Variants in MAD1L1 observed in about 807,000 individuals in gnomAD.
The protein encoded by MAD1L1 is mitotic spindle assembly checkpoint protein MAD1.
In MAD1L1, 95 loss-of-function variants were observed where a neutral mutation model predicts 96.9. The observed-to-expected ratio is 0.98, with a 90% CI of 0.83 to 1.16. MAD1L1 has a LOEUF of 1.16. MAD1L1 is among the 50% of genes most tolerant of loss of function. MAD1L1 has a pLI of 0.00. For missense variants in MAD1L1, 1,007 were observed against 954.4 expected (o/e 1.06, Z -0.73); for synonymous variants, 473 against 396.6 (o/e 1.19, Z -2.29).
intron 11 of MAD1L1, among the ~76,000 whole-genome samples, chr7:2,135,833 G>A (rs1332987282): frequency 6.6e-6 from 1 of 152,246 alleles, no homozygotes; most frequent in Non-Finnish European, 1.5e-5. Context: ...ACCTGAATCT[G>A]AGCCTTTGGA....
At chr7:2,054,267 G>C (rs374269877) in intron 12 of MAD1L1, among the ~76,000 whole-genome samples, 2 of 152,224 alleles carry the variant, frequency 1.3e-5, no homozygotes, top group Non-Finnish European at 2.9e-5. Flanking sequence ...CCAGTGTAAC[G>C]CAGCCTCCAA....
intron 17 of MAD1L1, among the ~76,000 whole-genome samples, chr7:1,912,206 G>A (rs1788061914): frequency 1.3e-5 from 2 of 152,228 alleles, no homozygotes; most frequent in African/African-American, 4.8e-5. Context: ...AGCTCCGTGT[G>A]TGTCAGCAGT....
At chr7:1,998,421 G>A (rs1239576362) in intron 14 of MAD1L1, among the ~76,000 whole-genome samples, 1 of 152,220 alleles carries the variant, frequency 6.6e-6, no homozygotes, top group Non-Finnish European at 1.5e-5. Flanking sequence ...AATGCCGAGG[G>A]CTTGGCCTGT....
chr7:2,094,620 G>A (rs562181416), intron 11 of MAD1L1, among the ~76,000 whole-genome samples: 1 of 151,084 alleles, frequency 6.6e-6, no homozygotes, highest in African/African-American at 2.5e-5. Context: ...GCTCCAGAAA[G>A]AGGACTGGCC....
chr7:1,838,561 C>T (rs975089306), intron 18 of MAD1L1: 48 of 353,624 alleles, frequency 1.4e-4, no homozygotes, highest in Admixed American at 7.1e-4. Flanking sequence ...TTACGCTCAG[C>T]GAAAGATGCC....
chr7:1,927,035 G>C (rs1330598984), intron 17 of MAD1L1, among the ~76,000 whole-genome samples: 1 of 152,168 alleles, frequency 6.6e-6, no homozygotes, highest in East Asian at 1.9e-4. Flanking sequence ...GCAAGGTCAT[G>C]GGTTACAAAG....
intron 14 of MAD1L1, 127 bp from the exon 15 acceptor site, chr7:1,980,668 G>C (rs1780863139): frequency 1.3e-6 from 1 of 755,908 alleles, no homozygotes; most frequent in Non-Finnish European, 2.4e-6. Context: ...CTGCGGGAGA[G>C]ACCTCTCTCC....
At chr7:2,033,780 G>C (rs970147184) in intron 12 of MAD1L1, among the ~76,000 whole-genome samples, 1 of 152,234 alleles carries the variant, frequency 6.6e-6, no homozygotes, top group Non-Finnish European at 1.5e-5. Flanking sequence ...GGGTCCTGAA[G>C]GTGTTCACAC....
intron 10 of MAD1L1, among the ~76,000 whole-genome samples, chr7:2,181,297 G>A (rs1562759539): frequency 1.3e-5 from 2 of 152,260 alleles, no homozygotes; most frequent in Non-Finnish European, 2.9e-5. Flanking sequence ...GGTGCTGCCA[G>A]CTGTAGTTGT....
intron 14 of MAD1L1, among the ~76,000 whole-genome samples, chr7:1,996,671 G>A (rs1278519937): frequency 4.6e-5 from 7 of 152,234 alleles, no homozygotes; most frequent in African/African-American, 9.6e-5. Flanking sequence ...CTGTAGCCAC[G>A]GCCCTTGGTG....
At position 2,230,039 on chromosome 7, in the gene MAD1L1, T is replaced by C; in HGVS notation, c.95A>G (p.Asp32Gly). ...AGAACCTGGGGCCGAGGTAGAAATA[T>C]CCAGTCCAGAGCCTCCCTCCACACG... is the stretch of plus-strand genomic sequence containing the variant. ...SQRVEGGSGLDISTSAPGSLQ... is the reference protein window; with the variant it reads ...SQRVEGGSGLGISTSAPGSLQ... The change falls in exon 3 of 19, where the codon GAT (aspartate) becomes GGT (glycine). Residue 32 changes from aspartate (D) to glycine (G), a missense_variant. Coordinates refer to ENST00000265854, the MANE Select transcript of MAD1L1 (RefSeq NM_001013836.2). 1 of 1,613,726 alleles carries C rather than the reference T, an allele frequency of 6.2e-7. No homozygotes were observed. Among genetic ancestry groups the C allele is most frequent in the East Asian group, 2.2e-5 (1 of 44,872 alleles).
chr7:1,830,394 C>G (rs1440487686), intron 18 of MAD1L1, among the ~76,000 whole-genome samples: 1 of 151,776 alleles, frequency 6.6e-6, no homozygotes, highest in African/African-American at 2.4e-5. Flanking sequence ...GAGACTCTGT[C>G]TCAAAAAAAA....
Position 2,106,927 on chromosome 7 carries a change from A to G in MAD1L1, c.1074-37589T>C, listed in dbSNP as rs577458592. 1.5e-4 allele frequency among the ~76,000 whole-genome samples: 23 copies of G among 152,290 alleles called. 1 individual carries two copies. In the South Asian group the frequency reaches 4.4e-3, roughly 29 times the overall value. On this transcript the variant is annotated intron_variant, in intron 11 of 18. Transcript: ENST00000265854. ...GACCTGGGCAGGGGCCCGGGGGTCC[A>G]GAACGCAGCTGGCCCAGTCCCCTAG...
At chr7:2,216,091 G>A in intron 8 of MAD1L1, 66 bp downstream of exon 8, 1 of 1,607,712 alleles carries the variant, frequency 6.2e-7, no homozygotes, top group African/African-American at 1.3e-5. Flanking sequence ...GGTCTGCACA[G>A]TGGGCTCCAT....
Position 2,203,249 on chromosome 7 carries a change from C to T in MAD1L1, c.986+9963G>A, listed in dbSNP as rs113340134. Among the ~76,000 whole-genome samples the T allele has an allele frequency of 4.6e-5, 7 of 152,368 alleles. 1 individual carries two copies. The highest frequency in any genetic ancestry group is 1.7e-4 in the African/African-American group (7 of 41,580). On this transcript the variant is annotated intron_variant, in intron 10 of 18. Coordinates refer to ENST00000265854, the MANE Select transcript of MAD1L1 (RefSeq NM_001013836.2). ...TACAGGACTTGACACCCACTCCCTT[C>T]CTATTTCATAGGGTCCCCCTCAGTG... is the stretch of plus-strand genomic sequence containing the variant.
intron 16 of MAD1L1, among the ~76,000 whole-genome samples, chr7:1,945,532 C>T (rs1779189611): frequency 6.6e-6 from 1 of 152,204 alleles, no homozygotes; most frequent in African/African-American, 2.4e-5. Context: ...CAGCCGCAAC[C>T]CAGGAGAAGC....
intron 18 of MAD1L1, among the ~76,000 whole-genome samples, chr7:1,844,962 T>C (rs1331378296): frequency 2.6e-5 from 4 of 152,108 alleles, no homozygotes; most frequent in Non-Finnish European, 4.4e-5. Context: ...TGTCCCGCCA[T>C]CAGAAGGAGG....
chr7:2,045,409 A>C (rs1783877837), intron 12 of MAD1L1, among the ~76,000 whole-genome samples: 1 of 152,054 alleles, frequency 6.6e-6, no homozygotes, highest in Non-Finnish European at 1.5e-5. Context: ...GGTGCCTCTC[A>C]TGGCCAGCCC....
intron 10 of MAD1L1, among the ~76,000 whole-genome samples, chr7:2,177,951 G>A (rs1259976781): frequency 2.0e-5 from 3 of 152,012 alleles, no homozygotes; most frequent in Non-Finnish European, 4.4e-5. Context: ...CACACCAGGA[G>A]GTTAAGTCCA....
Sources: allele counts gnomAD v4.1 joint callset (sites outside exome capture counted in the v4.1 genomes callset), GRCh38; gene constraint gnomAD v4.1.1; transcripts MANE v1.5; gene names NCBI Gene and HGNC (gene_info 2026-07-23, HGNC 2026-07-21).